Variants in COMMD8 observed in about 807,000 individuals in gnomAD.
The protein encoded by COMMD8 is COMM domain-containing protein 8.
COMMD8 carries 28 observed loss-of-function variants against 27.2 expected under a neutral mutation model. That is an observed-to-expected ratio of 1.03 (90% CI 0.76 to 1.41). COMMD8 has a LOEUF of 1.41. Among genes scored for constraint, COMMD8 ranks in the 40% most tolerant of loss-of-function variants. The pLI is 0.00. For synonymous variants in COMMD8, 79 were observed against 75.5 expected, an observed-to-expected ratio of 1.05 and a Z score of -0.24; for missense variants, 217 against 211.2, an observed-to-expected ratio of 1.03 and a Z score of -0.17.
chr4:47,457,907 T>C (rs1729933988), intron 2 of COMMD8, among the ~76,000 whole-genome samples: 1 of 150,316 alleles, frequency 6.7e-6, no homozygotes, highest in Non-Finnish European at 1.5e-5. Flanking sequence ...AAACAAAATA[T>C]TGGCAATCCA....
intron 3 of COMMD8, among the ~76,000 whole-genome samples, chr4:47,455,937 A>G (rs1330633899): frequency 6.6e-6 from 1 of 152,166 alleles, no homozygotes; most frequent in Non-Finnish European, 1.5e-5. Context: ...TATAAAGTCT[A>G]GAAAGTTGTG....
intron 3 of COMMD8, among the ~76,000 whole-genome samples, chr4:47,454,327 T>C (rs1365051581): frequency 4.6e-5 from 7 of 152,212 alleles, no homozygotes; most frequent in Non-Finnish European, 1.0e-4. Flanking sequence ...TCCCCATCTA[T>C]GAATTTTAGC....
chr4:47,459,296 C>T lies in COMMD8; in HGVS notation c.222+848G>A, dbSNP rs150500397. On this transcript the variant is annotated intron_variant, in intron 2 of 4. Coordinates refer to ENST00000381571, the MANE Select transcript of COMMD8 (RefSeq NM_017845.5). ...ATCAACCAAATCAATGACAAACATA[C>T]ATAACTTGATTTTTAGAAAAGTGAG... Among the ~76,000 whole-genome samples the T allele has an allele frequency of 1.5e-3, 230 of 152,150 alleles. 1 individual carries two copies. Among genetic ancestry groups the T allele is most frequent in the African/African-American group, 5.1e-3 (212 of 41,548 alleles).
chr4:47,458,578 T>G (rs998126785), intron 2 of COMMD8, among the ~76,000 whole-genome samples: 1 of 152,110 alleles, frequency 6.6e-6, no homozygotes, highest in Non-Finnish European at 1.5e-5. Flanking sequence ...TGTTCTTAAC[T>G]TTGGAAAGCT....
chr4:47,462,045 G>T (rs139303210), intron 1 of COMMD8, among the ~76,000 whole-genome samples: 3 of 152,044 alleles, frequency 2.0e-5, no homozygotes, highest in African/African-American at 7.2e-5. Flanking sequence ...GGGTGCCTAG[G>T]GGGTGACAGG....
Position 47,460,206 on chromosome 4 carries a change from C to T in COMMD8, c.160G>A (p.Val54Ile), listed in dbSNP as rs760201814. 40 of 1,613,440 alleles carry T rather than the reference C, an allele frequency of 2.5e-5. No individual in the cohort carries two copies. Among genetic ancestry groups the T allele is most frequent in the South Asian group, 3.3e-5 (3 of 91,054 alleles). ...TVWESEEWMHVLEDIAKFFKA... is the reference protein window; with the variant it reads ...TVWESEEWMHILEDIAKFFKA... ...AAAAATTTGGCAATATCTTCTAAAA[C>T]GTGCATCCATTCTTCTGATTCCCAA... The change falls in exon 2 of 5, where the codon GTT becomes ATT. Residue 54 changes from valine to isoleucine, a missense_variant. Coordinates refer to ENST00000381571, the MANE Select transcript of COMMD8 (RefSeq NM_017845.5).
In COMMD8 at chr4:47,460,242, A is replaced by G; in HGVS notation, c.124T>C (p.Tyr42His). ...CGRAYPVYQD[Y>H]HTVWESEEWM... ...TCTTCTGATTCCCAAACAGTGTGAT[A>G]ATCTTGGTACACAGGATAAGCTCGA... is the stretch of plus-strand genomic sequence containing the variant. The change falls in exon 2 of 5, where the codon TAT becomes CAT. Residue 42 changes from tyrosine (Y) to histidine (H), a missense_variant. Transcript: ENST00000381571. 1.9e-6 allele frequency: 3 copies of G among 1,613,534 alleles called. No homozygotes were observed. The highest frequency in any genetic ancestry group is 2.5e-6 in the Non-Finnish European group (3 of 1,179,644).
chr4:47,460,378 T>G, intron 1 of COMMD8, 79 bp from the exon 2 acceptor site: 1 of 1,199,960 alleles, frequency 8.3e-7, no homozygotes, highest in East Asian at 2.5e-5. Context: ...CAAACAAATG[T>G]TGGGAGATGT....
intron 2 of COMMD8, among the ~76,000 whole-genome samples, chr4:47,458,786 A>G (rs1729951906): frequency 1.3e-5 from 2 of 152,108 alleles, no homozygotes; most frequent in Admixed American, 6.5e-5. Context: ...TTAATTCTAC[A>G]GTAATTAAAG....
chr4:47,454,355 C>T (rs1729833000), intron 3 of COMMD8, among the ~76,000 whole-genome samples: 1 of 152,152 alleles, frequency 6.6e-6, no homozygotes, highest in East Asian at 1.9e-4. Flanking sequence ...AGGTAAGTGT[C>T]ATGTTTCTAC....
intron 2 of COMMD8, 196 bp downstream of exon 2, chr4:47,459,948 A>G: frequency 2.2e-6 from 1 of 453,210 alleles, no homozygotes; most frequent in Non-Finnish European, 3.8e-6. Context: ...GTATGTTTTA[A>G]ATGTTTCACA....
intron 4 of COMMD8, among the ~76,000 whole-genome samples, chr4:47,452,398 C>T (rs1028058959): frequency 5.9e-5 from 9 of 151,928 alleles, no homozygotes; most frequent in Non-Finnish European, 1.0e-4. Context: ...TTTTTAGGAT[C>T]GTAATTTTTT....
chr4:47,454,424 C>T (rs748889546), intron 3 of COMMD8, among the ~76,000 whole-genome samples: 6 of 152,126 alleles, frequency 3.9e-5, no homozygotes, highest in East Asian at 1.9e-4. Context: ...TCACACACCA[C>T]GATTTTAAGT....
chr4:47,453,657 A>G (rs1729814045), intron 3 of COMMD8, among the ~76,000 whole-genome samples: 1 of 152,240 alleles, frequency 6.6e-6, no homozygotes, highest in African/African-American at 2.4e-5. Flanking sequence ...CACAATATTG[A>G]TAAATATGTT....
At chr4:47,460,633 G>A (rs1301244725) in intron 1 of COMMD8, among the ~76,000 whole-genome samples, 1 of 152,094 alleles carries the variant, frequency 6.6e-6, no homozygotes, top group Admixed American at 6.5e-5. Flanking sequence ...GTCTCTTACT[G>A]TAGGCCTATA....
At chr4:47,455,496 T>C (rs1218099925) in intron 3 of COMMD8, among the ~76,000 whole-genome samples, 1 of 152,222 alleles carries the variant, frequency 6.6e-6, no homozygotes, top group Non-Finnish European at 1.5e-5. Flanking sequence ...CATTATACAC[T>C]TGTTATAGCT....
intron 3 of COMMD8, among the ~76,000 whole-genome samples, chr4:47,455,006 C>T (rs1273368103): frequency 3.3e-5 from 5 of 151,630 alleles, no homozygotes; most frequent in Non-Finnish European, 5.9e-5. Flanking sequence ...TCTCTCTTAT[C>T]CTTTATTTAT....
chr4:47,460,313 A>T lies in COMMD8; in HGVS notation c.67-14T>A, dbSNP rs1167509867. 6.2e-7 allele frequency: 1 copy of T among 1,606,584 alleles called. No homozygotes were observed. The highest frequency in any genetic ancestry group is 8.5e-7 in the Non-Finnish European group (1 of 1,176,220). On this transcript the variant is annotated splice_polypyrimidine_tract_variant and intron_variant, in intron 1 of 4. Transcript: ENST00000381571. ...TTTGTGAAGAAGCTAGCAAGAAAAA[A>T]GGAAATAAATGTACTTATAAGTAAA...
intron 1 of COMMD8, among the ~76,000 whole-genome samples, chr4:47,461,529 A>C (rs963364024): frequency 1.3e-5 from 2 of 152,088 alleles, no homozygotes; most frequent in East Asian, 3.8e-4. Context: ...TAAAAAAAAA[A>C]CCCAGAACTC....
Sources: gnomAD v4.1 joint callset for allele counts (sites outside exome capture counted in the v4.1 genomes callset) on GRCh38, gnomAD v4.1.1 for gene constraint, MANE v1.5 for transcripts, NCBI Gene and HGNC (gene_info 2026-07-23, HGNC 2026-07-21) for gene names.